The following PUM2 variants were observed in gnomAD, a reference collection of about 807,000 sequenced individuals.
PUM2 encodes pumilio RNA binding family member 2, also known as pumilio homolog 2.
A neutral mutation model predicts 124.5 loss-of-function variants in PUM2; 57 were observed. The ratio of observed to expected loss-of-function variants is 0.46; its 90% CI spans 0.37 to 0.57. The LOEUF (loss-of-function observed/expected upper bound fraction) is 0.57, where lower values mean the gene tolerates loss of function less well. Ranked by LOEUF, PUM2 falls within the 20% of genes least tolerant of loss-of-function variation. PUM2 has a pLI of 0.00. For missense variants in PUM2, 1,065 were observed against 1,290.6 expected (o/e 0.83, Z 2.68); for synonymous variants, 460 against 446.1 (o/e 1.03, Z -0.39).
chr2:20,257,688 C>T (rs1267957147), intron 16 of PUM2, among the ~76,000 whole-genome samples: 3 of 152,272 alleles, frequency 2.0e-5, no homozygotes, highest in South Asian at 2.1e-4. Context: ...TTTTGATCAA[C>T]AATTCCTTTA....
At chr2:20,329,614 T>C (rs1343181569) in intron 1 of PUM2, among the ~76,000 whole-genome samples, 1 of 152,024 alleles carries the variant, frequency 6.6e-6, no homozygotes, top group African/African-American at 2.4e-5. Flanking sequence ...TTTTGAGAAA[T>C]GGCAAGCTCT....
At chr2:20,285,492 C>G in intron 10 of PUM2, among the ~76,000 whole-genome samples, 1 of 152,148 alleles carries the variant, frequency 6.6e-6, no homozygotes. Context: ...GTACCTTTTA[C>G]GTATTGGGAA....
chr2:20,252,143 A>G (rs919549275), intron 20 of PUM2, among the ~76,000 whole-genome samples: 14 of 152,222 alleles, frequency 9.2e-5, no homozygotes, highest in Admixed American at 8.5e-4. Context: ...TAAGATTGCA[A>G]TTTTTTATAT....
chr2:20,316,629 C>A (rs368044316), intron 3 of PUM2, among the ~76,000 whole-genome samples: 1 of 152,126 alleles, frequency 6.6e-6, no homozygotes, highest in Admixed American at 6.5e-5. Context: ...AACTATGGGC[C>A]GAACAAGGTG....
In PUM2 at chr2:20,311,586, T is replaced by G; in HGVS notation, c.426A>C (p.Gln142His). 1 of 1,613,600 alleles carries G rather than the reference T, an allele frequency of 6.2e-7. No homozygotes were observed. The highest frequency in any genetic ancestry group is 1.1e-5 in the South Asian group (1 of 91,046). ...KGKASPFEED[Q>H]NRDLKQGDDD... ...CATCTCCTTGTTTAAGATCTCTGTTTTGGTCCTCCTCAAATGGAGAAGCCT... is the reference window on the plus strand; with the variant it reads ...CATCTCCTTGTTTAAGATCTCTGTTGTGGTCCTCCTCAAATGGAGAAGCCT... The change falls in exon 5 of 21, where the codon CAA becomes CAC. Residue 142 changes from glutamine (Q) to histidine (H), a missense_variant. Physicochemically the swap from Gln to His is conservative, Grantham distance 24. Around this residue, in one of 3 missense-constraint regions of PUM2, gnomAD observed 968 missense variants for 1,159.8 expected, o/e 0.83. Coordinates refer to ENST00000361078, the MANE Select transcript of PUM2 (RefSeq NM_015317.5).
intron 1 of PUM2, among the ~76,000 whole-genome samples, chr2:20,339,286 T>G (rs933629012): frequency 6.6e-6 from 1 of 151,020 alleles, no homozygotes; most frequent in Non-Finnish European, 1.5e-5. Flanking sequence ...GAGATTGAGG[T>G]GGCAAGAATC....
intron 15 of PUM2, among the ~76,000 whole-genome samples, chr2:20,258,716 G>A (rs891607461): frequency 2.2e-5 from 3 of 138,104 alleles, no homozygotes; most frequent in Non-Finnish European, 4.6e-5. Context: ...GCTGGACTGC[G>A]GACTGCAGTG....
chr2:20,260,068 C>T (rs1269738410), intron 15 of PUM2, among the ~76,000 whole-genome samples: 1 of 152,074 alleles, frequency 6.6e-6, no homozygotes, highest in Non-Finnish European at 1.5e-5. Context: ...CCTATGTGGC[C>T]TTTTGTATTA....
At chr2:20,327,257 C>A in intron 2 of PUM2, 53 bp downstream of exon 2, 1 of 1,268,538 alleles carries the variant, frequency 7.9e-7, no homozygotes. Context: ...AAATAAGTTA[C>A]AATGGCTCAA....
At chr2:20,337,995 T>A (rs1290498137) in intron 1 of PUM2, among the ~76,000 whole-genome samples, 1 of 152,136 alleles carries the variant, frequency 6.6e-6, no homozygotes, top group Non-Finnish European at 1.5e-5. Context: ...TACCCTAATA[T>A]ACAAAGCTAC....
intron 10 of PUM2, among the ~76,000 whole-genome samples, chr2:20,284,847 C>T (rs1208065349): frequency 1.3e-5 from 2 of 152,158 alleles, no homozygotes; most frequent in Non-Finnish European, 2.9e-5. Context: ...GACACACATG[C>T]ATAGGTTGTT....
chr2:20,255,086 T>A lies in PUM2; in HGVS notation c.2749-102A>T, dbSNP rs904932648. Reference sequence around the variant, plus strand: ...TTCATCTAAAAATCCAGTAGGATAGTTAGGAGAATACAACAGCCTTTTGTC... The same window carrying A: ...TTCATCTAAAAATCCAGTAGGATAGATAGGAGAATACAACAGCCTTTTGTC... On this transcript the variant is annotated intron_variant, in intron 18 of 20. Coordinates refer to ENST00000361078, the MANE Select transcript of PUM2 (RefSeq NM_015317.5). 5.4e-6 allele frequency: 8 copies of A among 1,477,398 alleles called. No homozygotes were observed. In the African/African-American group the frequency reaches 7.0e-5, roughly 13 times the overall value. The allele number at this position is 1,477,398 out of a possible 1,614,324, so 91.5% of individuals were successfully genotyped here. A position where few individuals can be genotyped will look rare whatever the true frequency, so the allele number is the denominator to read the frequency against.
intron 9 of PUM2, among the ~76,000 whole-genome samples, 178 bp from the exon 10 acceptor site, chr2:20,290,968 C>T (rs1246109657): frequency 6.6e-6 from 1 of 152,142 alleles, no homozygotes; most frequent in African/African-American, 2.4e-5. Flanking sequence ...AAAACACAAT[C>T]ACTAGCTCTT....
intron 10 of PUM2, among the ~76,000 whole-genome samples, chr2:20,289,772 T>C (rs1051534866): frequency 6.6e-6 from 1 of 152,206 alleles, no homozygotes; most frequent in African/African-American, 2.4e-5. Flanking sequence ...TGCAAGTCAT[T>C]ATTTTTTCCA....
intron 3 of PUM2, among the ~76,000 whole-genome samples, chr2:20,318,158 G>A (rs971404608): frequency 1.3e-5 from 2 of 152,098 alleles, no homozygotes; most frequent in African/African-American, 4.8e-5. Context: ...CACTAGTAGT[G>A]TATAAGTGGT....
chr2:20,265,091 T>A (rs564339617), intron 13 of PUM2, among the ~76,000 whole-genome samples: 1 of 151,510 alleles, frequency 6.6e-6, no homozygotes, highest in East Asian at 1.9e-4. Context: ...CTACTAAAAA[T>A]ACAAAAAAAA....
intron 12 of PUM2, 85 bp downstream of exon 12, chr2:20,282,862 T>C: frequency 7.3e-7 from 1 of 1,373,968 alleles, no homozygotes; most frequent in Non-Finnish European, 9.9e-7. Context: ...CTATCCTACA[T>C]GCTATTATTG....
intron 7 of PUM2, among the ~76,000 whole-genome samples, chr2:20,299,022 A>C (rs1372678459): frequency 2.0e-5 from 3 of 152,184 alleles, no homozygotes; most frequent in African/African-American, 7.2e-5. Context: ...AGCTCTGCAC[A>C]CCTGTATCCT....
chr2:20,341,968 A>T (rs1443633201), intron 1 of PUM2, among the ~76,000 whole-genome samples: 3 of 152,002 alleles, frequency 2.0e-5, no homozygotes, highest in African/African-American at 7.2e-5. Flanking sequence ...CGTCTCTACT[A>T]AAATATAAAA....
Sources: allele counts gnomAD v4.1 joint callset (sites outside exome capture counted in the v4.1 genomes callset), GRCh38; gene constraint gnomAD v4.1.1; regional missense constraint gnomAD v4.1.1; transcripts MANE v1.5; gene names NCBI Gene and HGNC (gene_info 2026-07-23, HGNC 2026-07-21).